The following TRAPPC9 variants were observed in gnomAD, a reference collection of about 807,000 sequenced individuals.
The protein encoded by TRAPPC9 is trafficking protein particle complex subunit 9.
Under a neutral mutation model 124.0 loss-of-function variants are expected in TRAPPC9, and 83 were observed. That is an observed-to-expected ratio of 0.67 (90% CI 0.56 to 0.80). The LOEUF is 0.80. Among genes scored for constraint, TRAPPC9 ranks in the 30% least tolerant of loss-of-function variants. The probability of loss-of-function intolerance (pLI) is 0.00; values close to 1 mark genes in which losing one functional copy is unlikely to be tolerated. For missense variants in TRAPPC9, 1,302 were observed against 1,508.3 expected (o/e 0.86, Z 2.27); for synonymous variants, 638 against 617.5 (o/e 1.03, Z -0.49).
intron 20 of TRAPPC9, among the ~76,000 whole-genome samples, 183 bp from the exon 21 acceptor site, chr8:139,886,152 T>C (rs1404375139): frequency 6.6e-6 from 1 of 152,186 alleles, no homozygotes; most frequent in African/African-American, 2.4e-5. Flanking sequence ...CAGGGGCATA[T>C]AAAACAGCAA....
chr8:140,131,536 G>A (rs576991938), intron 17 of TRAPPC9, among the ~76,000 whole-genome samples: 139 of 152,248 alleles, frequency 9.1e-4, no homozygotes, highest in African/African-American at 3.1e-3. Context: ...TCAGTGATGC[G>A]CCAGGCCTCC....
chr8:140,402,248 T>C (rs933660072), intron 6 of TRAPPC9, among the ~76,000 whole-genome samples: 3 of 150,466 alleles, frequency 2.0e-5, no homozygotes, highest in African/African-American at 7.3e-5. Flanking sequence ...GATGCACCTG[T>C]AGTTACAGCT....
chr8:139,843,398 T>A (rs1439256654), intron 21 of TRAPPC9, among the ~76,000 whole-genome samples: 2 of 152,164 alleles, frequency 1.3e-5, no homozygotes, highest in African/African-American at 4.8e-5. Flanking sequence ...AAATGCCCAC[T>A]TGTGCATCAA....
chr8:140,338,610 C>A (rs374066068), intron 9 of TRAPPC9, among the ~76,000 whole-genome samples: 1 of 152,208 alleles, frequency 6.6e-6, no homozygotes, highest in African/African-American at 2.4e-5. Flanking sequence ...TGGGGTGAAC[C>A]CTAAGCTAAT....
At chr8:139,839,886 A>C (rs1826616225) in intron 21 of TRAPPC9, among the ~76,000 whole-genome samples, 1 of 152,178 alleles carries the variant, frequency 6.6e-6, no homozygotes, top group Non-Finnish European at 1.5e-5. Flanking sequence ...TCCCTTCCGG[A>C]TGCCTGCTTT....
chr8:140,296,018 A>G (rs1400615879), intron 11 of TRAPPC9, among the ~76,000 whole-genome samples: 2 of 152,208 alleles, frequency 1.3e-5, no homozygotes, highest in African/African-American at 4.8e-5. Flanking sequence ...ACTATAAAGA[A>G]AAAAGGCCCT....
rs35578974 is a variant in TRAPPC9 at position 139,732,095 on chromosome 8, C to G, written c.3163G>C (p.Val1055Leu). 7 of 1,606,212 alleles carry G rather than the reference C, an allele frequency of 4.4e-6. No individual in the cohort carries two copies. Among genetic ancestry groups the G allele is most frequent in the Non-Finnish European group, 5.1e-6 (6 of 1,176,848 alleles). ...ACCACAGTGAGGGCGAAGGGCCCTA[C>G]GCTGCGCGGGCTCCGGTTGGTCAGC... ...VRLTNRSPRS[V>L]GPFALTVVPF... Residue 1055 changes from valine (V) to leucine (L), a missense_variant, in exon 22 of 23, where the codon GTA (valine) becomes CTA (leucine). Around this residue, in one of 3 missense-constraint regions of TRAPPC9, gnomAD observed 640 missense variants for 679.3 expected, o/e 0.94. Coordinates refer to ENST00000438773, the MANE Select transcript of TRAPPC9 (RefSeq NM_001160372.4).
At chr8:139,901,926 T>C (rs779993439) in intron 20 of TRAPPC9, among the ~76,000 whole-genome samples, 3 of 152,200 alleles carry the variant, frequency 2.0e-5, no homozygotes, top group Non-Finnish European at 4.4e-5. Flanking sequence ...GGAATAAATC[T>C]GTATAAATTG....
At chr8:139,793,114 C>A (rs1325764444) in intron 21 of TRAPPC9, among the ~76,000 whole-genome samples, 1 of 152,136 alleles carries the variant, frequency 6.6e-6, no homozygotes, top group East Asian at 1.9e-4. Context: ...CAGCCTCTGC[C>A]ACTTACTAAG....
intron 17 of TRAPPC9, among the ~76,000 whole-genome samples, chr8:140,120,529 C>A (rs1213074419): frequency 6.6e-6 from 1 of 152,220 alleles, no homozygotes. Flanking sequence ...ATCCATCCAA[C>A]AACCATTCAT....
At chr8:140,427,530 C>T (rs2070472384) in intron 4 of TRAPPC9, among the ~76,000 whole-genome samples, 1 of 152,098 alleles carries the variant, frequency 6.6e-6, no homozygotes, top group Non-Finnish European at 1.5e-5. Flanking sequence ...TTTTGAAAGC[C>T]TTGGTGGTCT....
chr8:140,081,346 C>CATTTT (rs35254769), intron 17 of TRAPPC9, among the ~76,000 whole-genome samples: 1,913 of 141,024 alleles, frequency 0.014, 148 homozygotes, highest in Admixed American at 0.061. Context: ...AAAATGAATG[C>CATTTT]TTTTTTTTTT....
chr8:140,365,809 G>A (rs1449703231), intron 8 of TRAPPC9, among the ~76,000 whole-genome samples: 2 of 152,226 alleles, frequency 1.3e-5, no homozygotes, highest in Admixed American at 6.5e-5. Flanking sequence ...GGCTACAAGT[G>A]AAGGTTACAC....
rs368108783 is a variant in TRAPPC9, at chr8:139,898,949, G to A, written c.2964+11198C>T. 9.9e-5 allele frequency among the ~76,000 whole-genome samples: 15 copies of A among 151,626 alleles called. No individual in the cohort carries two copies. The East Asian group carries it at 1.7e-3, about 18-fold the overall frequency. Reference sequence around the variant, plus strand: ...AGCCTGGCCAACATGGTGAAACCCCGTCTCCACTAAAAATACAAAAATTAG... The same window carrying A: ...AGCCTGGCCAACATGGTGAAACCCCATCTCCACTAAAAATACAAAAATTAG... On this transcript the variant is annotated intron_variant, in intron 20 of 22. Transcript: ENST00000438773.
intron 21 of TRAPPC9, among the ~76,000 whole-genome samples, chr8:139,804,162 AGC>A (rs1823791603): frequency 9.7e-6 from 1 of 103,096 alleles, no homozygotes; most frequent in Admixed American, 1.1e-4. Context: ...ACCACCACCA[AGC>A]ACCACCACCA....
chr8:139,976,296 T>C (rs535249524), intron 19 of TRAPPC9, among the ~76,000 whole-genome samples: 11 of 152,298 alleles, frequency 7.2e-5, no homozygotes, highest in African/African-American at 1.9e-4. Flanking sequence ...AAAAGGATTA[T>C]GGACATAAAT....
chr8:139,868,313 G>A (rs539804873), intron 21 of TRAPPC9, among the ~76,000 whole-genome samples: 48 of 152,226 alleles, frequency 3.2e-4, no homozygotes, highest in African/African-American at 1.1e-3. Context: ...CCAAGATTGC[G>A]CCACTGCACT....
chr8:139,749,167 C>T (rs116656543), intron 21 of TRAPPC9, among the ~76,000 whole-genome samples: 2,117 of 152,232 alleles, frequency 0.014, 42 homozygotes, highest in African/African-American at 0.049. Flanking sequence ...CTGCTGACTC[C>T]CTGTGGCCTT....
chr8:139,860,866 C>A (rs558614026), intron 21 of TRAPPC9, among the ~76,000 whole-genome samples: 1 of 152,360 alleles, frequency 6.6e-6, no homozygotes, highest in South Asian at 2.1e-4. Context: ...AGGCTGTAAG[C>A]TCTGCACCCT....
Sources: allele counts gnomAD v4.1 joint callset (sites outside exome capture counted in the v4.1 genomes callset), GRCh38; gene constraint gnomAD v4.1.1; regional missense constraint gnomAD v4.1.1; transcripts MANE v1.5; gene names NCBI Gene and HGNC (gene_info 2026-07-23, HGNC 2026-07-21).